ADAMTS3: variants seen among roughly 807,000 people sequenced by gnomAD.
ADAMTS3 encodes the protein ADAM metallopeptidase with thrombospondin type 1 motif 3.
In ADAMTS3, 73 loss-of-function variants were observed where a neutral mutation model predicts 129.0. The observed-to-expected ratio is 0.57, with a 90% CI of 0.47 to 0.69. The LOEUF is 0.69. Ranked by LOEUF, ADAMTS3 falls within the 30% of genes least tolerant of loss-of-function variation. ADAMTS3 has a pLI of 0.00. For synonymous variants in ADAMTS3, 477 were observed against 510.8 expected (o/e 0.93, Z 0.89); for missense variants, 1,457 against 1,514.5 (o/e 0.96, Z 0.63).
At chr4:72,484,274 A>G (rs2110009003) in intron 3 of ADAMTS3, among the ~76,000 whole-genome samples, 1 of 152,328 alleles carries the variant, frequency 6.6e-6, no homozygotes, top group Admixed American at 6.5e-5. Context: ...TATGTGTAAA[A>G]TTCTTCCAGT....
At chr4:72,523,004 G>A (rs1486305710) in intron 3 of ADAMTS3, among the ~76,000 whole-genome samples, 3 of 151,922 alleles carry the variant, frequency 2.0e-5, no homozygotes, top group East Asian at 3.9e-4. Flanking sequence ...TTTTAGACTA[G>A]TCTCTTCTAT....
chr4:72,310,093 C>A (rs1470809713), intron 14 of ADAMTS3, among the ~76,000 whole-genome samples: 11 of 151,964 alleles, frequency 7.2e-5, no homozygotes. Flanking sequence ...ATATTTAAAC[C>A]AATGGAAGGT....
chr4:72,506,691 G>C (rs1056556636), intron 3 of ADAMTS3, among the ~76,000 whole-genome samples: 60 of 152,284 alleles, frequency 3.9e-4, no homozygotes, highest in African/African-American at 1.4e-3. Context: ...GAAACAGAGC[G>C]TTCTTCCTTG....
chr4:72,470,856 G>A lies in ADAMTS3; in HGVS notation c.505-55885C>T, dbSNP rs72853025. ...TGCAATAAAAAAGTCCTGTTAAAGC[G>A]TAACAATTATTAATTTTATTAAGTC... On this transcript the variant is annotated intron_variant, in intron 3 of 21. Transcript: ENST00000286657. Among the ~76,000 whole-genome samples, 850 of 151,550 alleles carry A rather than the reference G, an allele frequency of 5.6e-3. 11 individuals carry two copies. Among genetic ancestry groups the A allele is most frequent in the African/African-American group, 0.019 (793 of 41,012 alleles).
At chr4:72,536,852 C>T (rs72853088) in intron 3 of ADAMTS3, among the ~76,000 whole-genome samples, 1,837 of 152,234 alleles carry the variant, frequency 0.012, 32 homozygotes, top group African/African-American at 0.042. Flanking sequence ...AATTTGGCCA[C>T]TATTCGTTTT....
chr4:72,298,768 CT>C (rs1236663897), intron 17 of ADAMTS3, among the ~76,000 whole-genome samples: 1 of 151,394 alleles, frequency 6.6e-6, no homozygotes, highest in Non-Finnish European at 1.5e-5. Flanking sequence ...AGGATTTTAA[CT>C]TTTAAGTGTA....
chr4:72,411,266 G>C (rs1722178120), intron 4 of ADAMTS3, among the ~76,000 whole-genome samples: 1 of 152,004 alleles, frequency 6.6e-6, no homozygotes, highest in South Asian at 2.1e-4. Context: ...TGTGACTTTT[G>C]TTGGAAACTC....
intron 11 of ADAMTS3, among the ~76,000 whole-genome samples, chr4:72,314,904 C>A (rs1258070021): frequency 6.6e-6 from 1 of 152,096 alleles, no homozygotes; most frequent in East Asian, 1.9e-4. Context: ...AGGTTTTGGT[C>A]CTGCCTACAA....
At chr4:72,563,850 C>T (rs187367964) in intron 2 of ADAMTS3, among the ~76,000 whole-genome samples, 2 of 152,208 alleles carry the variant, frequency 1.3e-5, no homozygotes, top group Non-Finnish European at 2.9e-5. Context: ...CACAAGCTAC[C>T]AAGCACTGTT....
chr4:72,439,461 ATCAGTT>A (rs1428021311), intron 3 of ADAMTS3, among the ~76,000 whole-genome samples: 1 of 151,666 alleles, frequency 6.6e-6, no homozygotes, highest in Non-Finnish European at 1.5e-5. Context: ...AATAATAGTC[ATCAGTT>A]TCCTTATTTT....
chr4:72,417,132 G>A (rs1722326282), intron 3 of ADAMTS3, among the ~76,000 whole-genome samples: 1 of 151,968 alleles, frequency 6.6e-6, no homozygotes, highest in African/African-American at 2.4e-5. Context: ...TACATTATTC[G>A]CCCATCCTCC....
intron 4 of ADAMTS3, among the ~76,000 whole-genome samples, chr4:72,366,830 C>A (rs763949702): frequency 3.3e-5 from 5 of 151,076 alleles, no homozygotes; most frequent in Non-Finnish European, 5.9e-5. Flanking sequence ...TAACTGAAAG[C>A]CTTAGGGGAA....
In ADAMTS3 at chr4:72,315,975, G is replaced by A; in HGVS notation, c.1486-4C>T. ...TACATGGGTCAAAGGTTCGGAACTGGAAGATAGATAATCAAATTGTCAGTG... is the reference window on the plus strand; with the variant it reads ...TACATGGGTCAAAGGTTCGGAACTGAAAGATAGATAATCAAATTGTCAGTG... On this transcript the variant is annotated splice_region_variant and splice_polypyrimidine_tract_variant and intron_variant, in intron 10 of 21. Coordinates refer to ENST00000286657, the MANE Select transcript of ADAMTS3 (RefSeq NM_014243.3). 6 of 1,575,070 alleles carry A rather than the reference G, an allele frequency of 3.8e-6. No individual in the cohort carries two copies. Among genetic ancestry groups the A allele is most frequent in the Non-Finnish European group, 5.2e-6 (6 of 1,150,260 alleles).
At chr4:72,544,077 C>G (rs879411154) in intron 3 of ADAMTS3, among the ~76,000 whole-genome samples, 1 of 152,018 alleles carries the variant, frequency 6.6e-6, no homozygotes, top group Non-Finnish European at 1.5e-5. Flanking sequence ...TATGGAAGAT[C>G]TGAATCTGTT....
rs142683489 is a variant in ADAMTS3 at position 72,419,133 on chromosome 4, T to C, written c.505-4162A>G. ...AGGTGCCCCCGTCTAAATTAGATCC[T>C]CTCTTAGCCAATTATTCTAACTGAA... On this transcript the variant is annotated intron_variant, in intron 3 of 21. Transcript: ENST00000286657. Among the ~76,000 whole-genome samples, 37 of 152,276 alleles carry C rather than the reference T, an allele frequency of 2.4e-4. No homozygotes were observed. In the East Asian group the frequency reaches 6.6e-3, roughly 27 times the overall value.
intron 4 of ADAMTS3, among the ~76,000 whole-genome samples, chr4:72,391,818 C>A (rs966509546): frequency 3.3e-5 from 5 of 151,820 alleles, no homozygotes; most frequent in Non-Finnish European, 7.4e-5. Context: ...AGCAGAGTAA[C>A]ATGATGACAA....
intron 3 of ADAMTS3, among the ~76,000 whole-genome samples, chr4:72,530,443 T>C (rs1420306571): frequency 4.7e-5 from 3 of 64,510 alleles, no homozygotes; most frequent in African/African-American, 2.1e-4. Flanking sequence ...TATGTTAATT[T>C]AATATATATT....
intron 20 of ADAMTS3, among the ~76,000 whole-genome samples, chr4:72,290,342 A>G (rs1338839388): frequency 1.3e-5 from 2 of 152,192 alleles, no homozygotes; most frequent in Non-Finnish European, 2.9e-5. Context: ...ACCACCTGGA[A>G]GGTGGTCATT....
intron 4 of ADAMTS3, among the ~76,000 whole-genome samples, chr4:72,410,076 G>T (rs1722149728): frequency 6.6e-6 from 1 of 152,032 alleles, no homozygotes. Context: ...ATTTGTGTGG[G>T]TTACAAAGCC....
Sources: allele counts gnomAD v4.1 joint callset (sites outside exome capture counted in the v4.1 genomes callset), GRCh38; gene constraint gnomAD v4.1.1; transcripts MANE v1.5; gene names NCBI Gene and HGNC (gene_info 2026-07-23, HGNC 2026-07-21).